HEMK2: variants seen among roughly 807,000 people sequenced by gnomAD.
HEMK2 encodes the protein HemK methyltransferase 2, ETF1 glutamine and histone H4 lysine, also known as methyltransferase HEMK2.
chr21:28,666,006 T>G, the HEMK2 span, among the ~76,000 whole-genome samples: 1 of 152,232 alleles, frequency 6.6e-6, no homozygotes, highest in African/African-American at 2.4e-5. Flanking sequence ...CAATTTCTCT[T>G]ACATTTTCTA....
the HEMK2 span, among the ~76,000 whole-genome samples, chr21:28,834,725 C>T: frequency 4.6e-5 from 7 of 152,084 alleles, no homozygotes; most frequent in East Asian, 1.9e-4. Context: ...TCTTTTGTAG[C>T]GTGGAGGTGG....
chr21:28,787,447 C>T, the HEMK2 span, among the ~76,000 whole-genome samples: 1 of 152,192 alleles, frequency 6.6e-6, no homozygotes, highest in East Asian at 1.9e-4. Flanking sequence ...TGGGAGAAAC[C>T]TTCACGAGCT....
the HEMK2 span, among the ~76,000 whole-genome samples, chr21:28,831,634 G>GAAGGAAGGAAA: frequency 2.7e-5 from 1 of 36,466 alleles, no homozygotes; most frequent in Non-Finnish European, 4.8e-5. Flanking sequence ...AAAGAAGGAA[G>GAAGGAAGGAAA]GAAAGAAAGA....
chr21:28,602,217 ATTACT>A, the HEMK2 span, among the ~76,000 whole-genome samples: 1 of 152,242 alleles, frequency 6.6e-6, no homozygotes, highest in Middle Eastern at 3.4e-3. Context: ...TGTTTTTTAA[ATTACT>A]TTATTGTATT....
At chr21:28,589,190 G>A in the HEMK2 span, among the ~76,000 whole-genome samples, 1 of 152,040 alleles carries the variant, frequency 6.6e-6, no homozygotes, top group South Asian at 2.1e-4. Context: ...CAAAGTACAG[G>A]CAATTTTTTA....
At chr21:28,668,932 G>C in the HEMK2 span, among the ~76,000 whole-genome samples, 2 of 152,282 alleles carry the variant, frequency 1.3e-5, no homozygotes, top group East Asian at 3.9e-4. Context: ...CAAAGTTTGA[G>C]AATCACTGGT....
the HEMK2 span, among the ~76,000 whole-genome samples, chr21:28,671,564 TATG>T: frequency 3.3e-5 from 5 of 152,210 alleles, no homozygotes; most frequent in Admixed American, 3.3e-4. Flanking sequence ...CCCAGAAGAC[TATG>T]ATGATAAATA....
the HEMK2 span, among the ~76,000 whole-genome samples, chr21:28,700,315 G>A: frequency 7.9e-5 from 12 of 152,032 alleles, no homozygotes; most frequent in African/African-American, 2.4e-4. Flanking sequence ...AGAAGAACAC[G>A]TTTCCATTTT....
At chr21:28,715,304 AT>A in the HEMK2 span, among the ~76,000 whole-genome samples, 64 of 147,476 alleles carry the variant, frequency 4.3e-4, no homozygotes, top group Middle Eastern at 3.4e-3. Context: ...AGCATCTGTT[AT>A]TTTTTTTTTT....
the HEMK2 span, among the ~76,000 whole-genome samples, chr21:28,582,565 G>C: frequency 2.0e-5 from 3 of 152,128 alleles, no homozygotes; most frequent in African/African-American, 4.8e-5. Context: ...CTCAGTCTTA[G>C]AGCTAAACAT....
the HEMK2 span, among the ~76,000 whole-genome samples, chr21:28,731,325 T>C: frequency 1.3e-5 from 2 of 152,188 alleles, no homozygotes; most frequent in African/African-American, 4.8e-5. Flanking sequence ...CTAGAATCTA[T>C]AAATATCCAA....
chr21:28,665,377 TTTTTTTTTAATTTTTTTTTTTTTTTA>T, the HEMK2 span, among the ~76,000 whole-genome samples: 1 of 86,024 alleles, frequency 1.2e-5, no homozygotes, highest in African/African-American at 7.9e-5. Flanking sequence ...TTTTCTTTTT[TTTTTTTTTAATTTTTTTTTTTTTTTA>T]TTATAGTCTA....
At chr21:28,650,585 T>C in the HEMK2 span, among the ~76,000 whole-genome samples, 753 of 151,848 alleles carry the variant, frequency 5.0e-3, 6 homozygotes, top group African/African-American at 0.017. Context: ...AATTGGGCAA[T>C]GGGGGAATGG....
At chr21:28,841,459 A>ATTATATATATAAAAT in the HEMK2 span, among the ~76,000 whole-genome samples, 1 of 105,108 alleles carries the variant, frequency 9.5e-6, no homozygotes, top group African/African-American at 3.7e-5. Flanking sequence ...TATTATATAT[A>ATTATATATATAAAAT]ATATATATGA....
At chr21:28,585,037 G>A in the HEMK2 span, among the ~76,000 whole-genome samples, 1 of 152,176 alleles carries the variant, frequency 6.6e-6, no homozygotes, top group Non-Finnish European at 1.5e-5. Flanking sequence ...ACTTAGAGGT[G>A]ATTGCCAGTA....
At chr21:28,808,659 A>C in the HEMK2 span, among the ~76,000 whole-genome samples, 69 of 151,946 alleles carry the variant, frequency 4.5e-4, no homozygotes, top group African/African-American at 1.7e-3. Flanking sequence ...TTTTTATTTC[A>C]TTTTTCAATT....
At chr21:28,585,981 T>G in the HEMK2 span, among the ~76,000 whole-genome samples, 3 of 152,292 alleles carry the variant, frequency 2.0e-5, no homozygotes, top group East Asian at 1.9e-4. Context: ...TCCCTAAGAT[T>G]CATGAATTAT....
chr21:28,861,957 C>T, the HEMK2 span, among the ~76,000 whole-genome samples: 2 of 152,132 alleles, frequency 1.3e-5, no homozygotes, highest in African/African-American at 4.8e-5. Context: ...ATGCTGCCAC[C>T]AGGAGACACA....
chr21:28,743,188 G>A, the HEMK2 span: 1 of 152,106 alleles, frequency 6.6e-6, no homozygotes, highest in Non-Finnish European at 1.5e-5. Flanking sequence ...TGTGGAGGTT[G>A]AAAAATCTAA....
Sources: gnomAD v4.1 joint callset for allele counts (sites outside exome capture counted in the v4.1 genomes callset) on GRCh38, gnomAD v4.1.1 for gene constraint, MANE v1.5 for transcripts, NCBI Gene and HGNC (gene_info 2026-07-23, HGNC 2026-07-21) for gene names.